The following C8orf34 variants were observed in gnomAD, a reference collection of about 807,000 sequenced individuals.
C8orf34 encodes chromosome 8 open reading frame 34, also known as uncharacterized protein C8orf34.
C8orf34 carries 65 observed loss-of-function variants against 68.3 expected under a neutral mutation model. That is an observed-to-expected ratio of 0.95 (90% CI 0.78 to 1.17). C8orf34 has a LOEUF of 1.17. C8orf34 is among the 50% of genes most tolerant of loss of function. The pLI is 0.00. For missense variants in C8orf34, 664 were observed against 655.4 expected, an observed-to-expected ratio of 1.01 and a Z score of -0.14; for synonymous variants, 244 against 241.2, an observed-to-expected ratio of 1.01 and a Z score of -0.11.
intron 8 of C8orf34, among the ~76,000 whole-genome samples, chr8:68,650,233 T>C (rs1449227324): frequency 7.7e-6 from 1 of 130,430 alleles, no homozygotes; most frequent in Non-Finnish European, 1.6e-5. Context: ...CGTGGAAAAT[T>C]AGGATGCCGA....
At chr8:68,668,138 A>T (rs528375581) in intron 8 of C8orf34, among the ~76,000 whole-genome samples, 1 of 152,262 alleles carries the variant, frequency 6.6e-6, no homozygotes, top group East Asian at 1.9e-4. Context: ...AATTTCTTCT[A>T]TAAGTATCAA....
intron 5 of C8orf34, among the ~76,000 whole-genome samples, chr8:68,499,109 T>G (rs1023930355): frequency 1.3e-5 from 2 of 152,178 alleles, no homozygotes; most frequent in Admixed American, 6.5e-5. Flanking sequence ...CCCCAGTATC[T>G]GTTGTTCCCA....
At chr8:68,635,543 A>G (rs1818814051) in intron 7 of C8orf34, among the ~76,000 whole-genome samples, 1 of 152,224 alleles carries the variant, frequency 6.6e-6, no homozygotes, top group Non-Finnish European at 1.5e-5. Context: ...CTTTTACATA[A>G]TCAACATATT....
chr8:68,397,665 G>C (rs1335145016), intron 1 of C8orf34, among the ~76,000 whole-genome samples: 1 of 152,084 alleles, frequency 6.6e-6, no homozygotes, highest in Non-Finnish European at 1.5e-5. Flanking sequence ...TATCATTTTA[G>C]AGTGGCTAGA....
chr8:68,621,624 A>G (rs1017396314), intron 7 of C8orf34, among the ~76,000 whole-genome samples: 2 of 152,200 alleles, frequency 1.3e-5, no homozygotes, highest in Non-Finnish European at 2.9e-5. Flanking sequence ...TTGCCATTTT[A>G]TAACTAGGAA....
chr8:68,783,756 C>T (rs1194862645), intron 11 of C8orf34, among the ~76,000 whole-genome samples: 1 of 152,044 alleles, frequency 6.6e-6, no homozygotes, highest in African/African-American at 2.4e-5. Context: ...AGCTGTGCCC[C>T]AACCACCTCG....
chr8:68,508,617 T>C (rs76179941), intron 5 of C8orf34, among the ~76,000 whole-genome samples: 1,779 of 152,292 alleles, frequency 0.012, 37 homozygotes, highest in African/African-American at 0.04. Flanking sequence ...GGCCCTCTCA[T>C]GTGTCCAGAG....
At chr8:68,360,428 C>G (rs1806933937) in intron 1 of C8orf34, among the ~76,000 whole-genome samples, 1 of 152,162 alleles carries the variant, frequency 6.6e-6, no homozygotes, top group Non-Finnish European at 1.5e-5. Context: ...TTGACACATG[C>G]CAATACTTGT....
intron 11 of C8orf34, among the ~76,000 whole-genome samples, chr8:68,787,004 G>A (rs1416939238): frequency 6.6e-6 from 1 of 151,952 alleles, no homozygotes; most frequent in Non-Finnish European, 1.5e-5. Context: ...GAAGAGGAAG[G>A]AGGCAGTGAA....
chr8:68,783,523 CAAAAAAAAAAAAAAA>C (rs775189886), intron 11 of C8orf34, among the ~76,000 whole-genome samples: 1 of 53,754 alleles, frequency 1.9e-5, no homozygotes, highest in East Asian at 4.1e-4. Flanking sequence ...GACTTCATCT[CAAAAAAAAAAAAAAA>C]AAAAAAAAGG....
At chr8:68,398,210 G>C (rs1808799800) in intron 1 of C8orf34, among the ~76,000 whole-genome samples, 1 of 151,998 alleles carries the variant, frequency 6.6e-6, no homozygotes, top group African/African-American at 2.4e-5. Context: ...GAAACACAAA[G>C]ATACTAAAAT....
chr8:68,533,937 T>C (rs1386597539), intron 7 of C8orf34: 1 of 836,600 alleles, frequency 1.2e-6, no homozygotes, highest in Non-Finnish European at 1.4e-6. Flanking sequence ...TTTATAACAA[T>C]ATGCTGTTGT....
intron 12 of C8orf34, among the ~76,000 whole-genome samples, chr8:68,802,737 A>C (rs1361645517): frequency 2.0e-5 from 3 of 152,146 alleles, no homozygotes; most frequent in African/African-American, 7.2e-5. Context: ...AGCTCAAGCA[A>C]TCTGCCTCTT....
chr8:68,750,158 A>G (rs965418697), intron 10 of C8orf34, among the ~76,000 whole-genome samples: 1 of 152,218 alleles, frequency 6.6e-6, no homozygotes, highest in African/African-American at 2.4e-5. Context: ...ATTTGAGGAA[A>G]AACCTTTACA....
chr8:68,658,413 A>G (rs560151912), intron 8 of C8orf34, among the ~76,000 whole-genome samples: 1 of 152,114 alleles, frequency 6.6e-6, no homozygotes, highest in Non-Finnish European at 1.5e-5. Flanking sequence ...TTTGCCATTA[A>G]TATGTAATGT....
rs182811100 is a variant in C8orf34 at position 68,455,021 on chromosome 8, G to A, written c.607+8561G>A. Among the ~76,000 whole-genome samples, 9 of 151,958 alleles carry A rather than the reference G, an allele frequency of 5.9e-5. No homozygotes were observed. The East Asian group carries it at 1.5e-3, about 26-fold the overall frequency. On this transcript the variant is annotated intron_variant, in intron 3 of 13. Coordinates refer to ENST00000518698, the MANE Select transcript of C8orf34 (RefSeq NM_052958.4). Reference sequence around the variant, plus strand: ...TCTTTGTCTCATTCATTATAAATGAGAATATTGTTTAATTTTCCCATATTT... The same window carrying A: ...TCTTTGTCTCATTCATTATAAATGAAAATATTGTTTAATTTTCCCATATTT...
At chr8:68,741,781 T>A (rs761361834) in intron 10 of C8orf34, among the ~76,000 whole-genome samples, 1 of 152,220 alleles carries the variant, frequency 6.6e-6, no homozygotes, top group Non-Finnish European at 1.5e-5. Context: ...GATCCATCCA[T>A]GTTGTTGTAA....
chr8:68,623,640 G>A (rs774619305), intron 7 of C8orf34, among the ~76,000 whole-genome samples: 1 of 152,148 alleles, frequency 6.6e-6, no homozygotes, highest in South Asian at 2.1e-4. Context: ...AGTTGTGGAG[G>A]CTGGAAGTTT....
At chr8:68,751,780 AG>A (rs995440088) in intron 10 of C8orf34, among the ~76,000 whole-genome samples, 5 of 151,974 alleles carry the variant, frequency 3.3e-5, no homozygotes, top group African/African-American at 1.2e-4. Context: ...GATAGACTAT[AG>A]GGGTTATAAG....
Sources: allele counts gnomAD v4.1 joint callset (sites outside exome capture counted in the v4.1 genomes callset), GRCh38; gene constraint gnomAD v4.1.1; transcripts MANE v1.5; gene names NCBI Gene and HGNC (gene_info 2026-07-23, HGNC 2026-07-21).